The following ZBED4 variants were observed in gnomAD, a reference collection of about 807,000 sequenced individuals.
ZBED4 encodes zinc finger BED domain-containing protein 4.
In ZBED4, 4 loss-of-function variants were observed where a neutral mutation model predicts 15.5. The observed-to-expected ratio is 0.26, with a 90% CI of 0.13 to 0.59. ZBED4 has a LOEUF of 0.59. Ranked by LOEUF, ZBED4 falls within the 20% of genes least tolerant of loss-of-function variation. ZBED4 has a pLI of 0.90. For missense variants in ZBED4, 1,323 were observed against 1,461.8 expected (o/e 0.91, Z 1.55); for synonymous variants, 692 against 608.5 (o/e 1.14, Z -2.02).
In ZBED4 at chr22:49,853,944, C is replaced by T. The variant is rs2060263144; in HGVS notation, c.-375C>T. ...ATGAATGGAGCGTCCGCCCGCGCCG[C>T]CGTCGTCCGCAGCCGGCCGGGAGCC... On this transcript the variant is annotated 5_prime_UTR_variant, in exon 1 of 2. Transcript: ENST00000216268. The T allele has an allele frequency of 6.9e-6, 1 of 144,118 alleles. No homozygotes were observed. The highest frequency in any genetic ancestry group is 2.5e-5 in the African/African-American group (1 of 40,146). The allele number at this position is 144,118 out of a possible 1,614,324, so 8.9% of individuals were successfully genotyped here. A position where few individuals can be genotyped will look rare whatever the true frequency, so the allele number is the denominator to read the frequency against.
upstream of ZBED4, among the ~76,000 whole-genome samples, chr22:49,853,609 G>A (rs1248493329): frequency 6.6e-6 from 1 of 152,044 alleles, no homozygotes; most frequent in Non-Finnish European, 1.5e-5. Flanking sequence ...CGCCCACTGC[G>A]CCTGCGTAGT....
At chr22:49,858,177 C>G (rs1408117993) in intron 1 of ZBED4, among the ~76,000 whole-genome samples, 1 of 151,344 alleles carries the variant, frequency 6.6e-6, no homozygotes, top group African/African-American at 2.4e-5. Flanking sequence ...GCTGGGATTA[C>G]AGGCGTGAGC....
In ZBED4 at chr22:49,886,845, G is replaced by A. The variant is rs1480605913; in HGVS notation, c.3183G>A (p.Glu1061=). 1.9e-6 allele frequency: 3 copies of A among 1,614,070 alleles called. No individual in the cohort carries two copies. The highest frequency in any genetic ancestry group is 2.5e-6 in the Non-Finnish European group (3 of 1,180,020). The part of the protein sequence containing the change: ...AGSPSKDSAA[E]ENLWSLVAKV... ...CCCCGTCGAAAGACTCTGCCGCAGA[G>A]GAGAACCTGTGGTCACTTGTGGCCA... Residue 1061 remains glutamate, a synonymous_variant, in exon 2 of 2, where the codon GAG becomes GAA. Coordinates refer to ENST00000216268, the MANE Select transcript of ZBED4 (RefSeq NM_014838.3). This position sits in a 1 kb window ranked among gnomAD's most constrained non-coding sequence, Gnocchi z 7.7.
chr22:49,884,252 G>A lies in ZBED4; in HGVS notation c.590G>A (p.Gly197Asp). The A allele has an allele frequency of 6.2e-7, 1 of 1,605,132 alleles. No homozygotes were observed. Residue 197 changes from glycine (G) to aspartate (D), a missense_variant, in exon 2 of 2, where the codon GGT becomes GAT. By Grantham distance (94) the Gly-to-Asp change is moderately conservative (BLOSUM62 -1). Around this residue, in one of 6 missense-constraint regions of ZBED4, gnomAD observed 380 missense variants for 413.7 expected, o/e 0.92. Coordinates refer to ENST00000216268, the MANE Select transcript of ZBED4 (RefSeq NM_014838.3). ...CTTCCACCACAGCCTGCGGACGCGG[G>A]TGACCTCAGCACCATCCTCTCACCC... ...LLLPPQPADA[G>D]DLSTILSPIK...
intron 1 of ZBED4, among the ~76,000 whole-genome samples, chr22:49,878,301 C>A (rs370245731): frequency 9.9e-3 from 1,053 of 106,866 alleles, no homozygotes; most frequent in South Asian, 0.012. Flanking sequence ...GACACTGTCT[C>A]AAAAAAAAAA....
In ZBED4 at chr22:49,885,346, A is replaced by G. The variant is rs2147550847; in HGVS notation, c.1684A>G (p.Lys562Glu). 6.3e-7 allele frequency: 1 copy of G among 1,589,298 alleles called. No individual in the cohort carries two copies. Among genetic ancestry groups the G allele is most frequent in the African/African-American group, 1.4e-5 (1 of 73,862 alleles). ...TCCTGTTAATAGCAAAAAGACCTCG[A>G]AGCTGTGGAATCATTTTTCTATTTG... ...MFPVNSKKTS[K>E]LWNHFSICSA... The change falls in exon 2 of 2, where the codon AAG becomes GAG. Residue 562 changes from lysine (K) to glutamate (E), a missense_variant. Transcript: ENST00000216268.
intron 1 of ZBED4, among the ~76,000 whole-genome samples, chr22:49,867,114 T>C (rs1465650511): frequency 2.6e-5 from 4 of 152,256 alleles, no homozygotes; most frequent in Admixed American, 2.0e-4. Flanking sequence ...TTATTGTCGT[T>C]CAGTTGAAAA....
At chr22:49,857,158 G>A (rs1223656731) in intron 1 of ZBED4, among the ~76,000 whole-genome samples, 1 of 152,194 alleles carries the variant, frequency 6.6e-6, no homozygotes, top group African/African-American at 2.4e-5. Flanking sequence ...TTTGCTGCAG[G>A]GAGCAGGGTC....
chr22:49,853,762 G>C (rs1276098067), upstream of ZBED4: 2 of 148,632 alleles, frequency 1.3e-5, no homozygotes, highest in Non-Finnish European at 3.0e-5. Flanking sequence ...CGGACACTGC[G>C]CCTGCGAGAG....
chr22:49,863,723 GGTGTTATA>G (rs2060307953), intron 1 of ZBED4, among the ~76,000 whole-genome samples: 1 of 152,098 alleles, frequency 6.6e-6, no homozygotes, highest in African/African-American at 2.4e-5. Context: ...TCCACTCTCT[GGTGTTATA>G]GTTCATGGAG....
chr22:49,858,727 A>C (rs2060285234), intron 1 of ZBED4, among the ~76,000 whole-genome samples: 1 of 152,184 alleles, frequency 6.6e-6, no homozygotes, highest in African/African-American at 2.4e-5. Context: ...ACAAAACGTG[A>C]CTGTGTCCCT....
At position 49,884,760 on chromosome 22, in the gene ZBED4, G is replaced by C; in HGVS notation, c.1098G>C (p.Glu366Asp). 8 of 1,597,156 alleles carry C rather than the reference G, an allele frequency of 5.0e-6. No individual in the cohort carries two copies. The highest frequency in any genetic ancestry group is 1.7e-4 in the Middle Eastern group (1 of 5,980). ...PTLLPSLLPP[E>D]GELSSVSSSP... ...TGCTGCCTTCCTTGCTGCCGCCGGA[G>C]GGGGAGCTCAGCTCTGTGTCCTCGT... Residue 366 changes from glutamate (E) to aspartate (D), a missense_variant, in exon 2 of 2, where the codon GAG becomes GAC. Physicochemically the swap from Glu to Asp is conservative, Grantham distance 45. This residue lies in a region of ZBED4 where 429 missense variants were observed against 397.9 expected (regional missense o/e 1.08). Transcript: ENST00000216268.
intron 1 of ZBED4, among the ~76,000 whole-genome samples, chr22:49,882,877 G>T (rs948248043): frequency 6.6e-6 from 1 of 152,178 alleles, no homozygotes; most frequent in Non-Finnish European, 1.5e-5. Flanking sequence ...TCAGCTTTTC[G>T]TCTGGGTTGA....
intron 1 of ZBED4, among the ~76,000 whole-genome samples, chr22:49,878,998 A>G (rs530227358): frequency 6.6e-6 from 1 of 151,474 alleles, no homozygotes; most frequent in Non-Finnish European, 1.5e-5. Flanking sequence ...CAAAAAAATT[A>G]GCCGGGTGTG....
At chr22:49,878,620 C>A (rs767520006) in intron 1 of ZBED4, among the ~76,000 whole-genome samples, 7 of 152,184 alleles carry the variant, frequency 4.6e-5, no homozygotes, top group Non-Finnish European at 7.3e-5. Flanking sequence ...AAAGACAACA[C>A]AGAAGAAAGT....
rs761274127 is a variant in ZBED4 at position 49,886,428 on chromosome 22, C to T, written c.2766C>T (p.Ile922=). 38 of 1,586,892 alleles carry T rather than the reference C, an allele frequency of 2.4e-5. No homozygotes were observed. The highest frequency in any genetic ancestry group is 3.4e-4 in the Middle Eastern group (2 of 5,946). ...MSVECNFREL[I]SCDQWEVMQS... ...TCGAGTGTAACTTCCGAGAGCTGAT[C>T]AGCTGCGACCAGTGGGAGGTCATGC... Residue 922 remains isoleucine, a synonymous_variant, in exon 2 of 2, where the codon ATC becomes ATT. Transcript: ENST00000216268. This position sits in a 1 kb window ranked among gnomAD's most constrained non-coding sequence, Gnocchi z 7.7.
In ZBED4 at chr22:49,884,046, C is replaced by G. The variant is rs1306842505; in HGVS notation, c.384C>G (p.Pro128=). ...CCTGGAAGCATTTTTTTATCTCTCC[C>G]CGAGACAGCACTAAAGCAATATGCA... is the stretch of plus-strand genomic sequence containing the variant. ...SPAWKHFFIS[P]RDSTKAICMY... is the part of the protein sequence containing the mutation. The change falls in exon 2 of 2, where the codon CCC becomes CCG. Residue 128 remains proline (P), a synonymous_variant. Transcript: ENST00000216268. 8 of 1,604,606 alleles carry G rather than the reference C, an allele frequency of 5.0e-6. No individual in the cohort carries two copies. Among genetic ancestry groups the G allele is most frequent in the Non-Finnish European group, 5.1e-6 (6 of 1,176,620 alleles).
Position 49,858,218 on chromosome 22 carries a change from C to G in ZBED4, c.-330+4229C>G, listed in dbSNP as rs1283473747. Among the ~76,000 whole-genome samples the G allele has an allele frequency of 3.3e-5, 5 of 152,310 alleles. No individual in the cohort carries two copies. The South Asian group carries it at 1.0e-3, about 32-fold the overall frequency. On this transcript the variant is annotated intron_variant, in intron 1 of 1. Transcript: ENST00000216268. ...TGCCCGGCCCCCTTCTCAGTTTAGC[C>G]CAGACCTGGATGTTGGCTTCTGTGT...
chr22:49,869,021 G>A (rs1175405871), intron 1 of ZBED4, among the ~76,000 whole-genome samples: 1 of 151,038 alleles, frequency 6.6e-6, no homozygotes, highest in East Asian at 1.9e-4. Context: ...CTGCTTGTGA[G>A]ACTGAGGCAG....
Sources: allele counts gnomAD v4.1 joint callset (sites outside exome capture counted in the v4.1 genomes callset), GRCh38; gene constraint gnomAD v4.1.1; regional missense constraint gnomAD v4.1.1; non-coding constraint Gnocchi (gnomAD v3.1); transcripts MANE v1.5; gene names NCBI Gene and HGNC (gene_info 2026-07-23, HGNC 2026-07-21).